SHANK2: variants seen among roughly 807,000 people sequenced by gnomAD.
SHANK2 encodes SH3 and multiple ankyrin repeat domains 2.
A neutral mutation model predicts 133.7 loss-of-function variants in SHANK2; 43 were observed. The observed-to-expected ratio is 0.32, with a 90% CI of 0.25 to 0.41. The LOEUF is 0.41. Among genes scored for constraint, SHANK2 ranks in the 10% least tolerant of loss-of-function variants. The pLI is 1.00. For missense variants in SHANK2, 1,994 were observed against 2,235.8 expected (o/e 0.89, Z 2.18); for synonymous variants, 1,017 against 952.8 (o/e 1.07, Z -1.24).
chr11:70,617,081 G>A (rs1554996194), intron 17 of SHANK2, among the ~76,000 whole-genome samples: 1 of 152,028 alleles, frequency 6.6e-6, no homozygotes, highest in African/African-American at 2.4e-5. Flanking sequence ...GTGTGTATAT[G>A]TGTGTGTCTA....
chr11:70,550,623 G>A (rs552224713), intron 17 of SHANK2, among the ~76,000 whole-genome samples: 3 of 152,292 alleles, frequency 2.0e-5, no homozygotes, highest in East Asian at 1.9e-4. Context: ...TCCCGGATTC[G>A]CGTGGGTTGG....
At chr11:71,172,118 A>C (rs1271021089) in intron 2 of SHANK2, among the ~76,000 whole-genome samples, 2 of 152,130 alleles carry the variant, frequency 1.3e-5, no homozygotes, top group Non-Finnish European at 2.9e-5. Context: ...CCATGTAACC[A>C]AAAGGAGCAA....
intron 14 of SHANK2, among the ~76,000 whole-genome samples, chr11:70,796,943 A>C (rs1167150336): frequency 1.3e-5 from 2 of 152,138 alleles, no homozygotes; most frequent in East Asian, 3.9e-4. Context: ...ACAGAAAGAA[A>C]CCGTAAAAGG....
At chr11:70,675,308 C>T (rs552580933) in intron 15 of SHANK2, among the ~76,000 whole-genome samples, 5 of 152,284 alleles carry the variant, frequency 3.3e-5, no homozygotes, top group East Asian at 3.9e-4. Flanking sequence ...ACACACCAGG[C>T]GTTGTTCTAA....
intron 3 of SHANK2, among the ~76,000 whole-genome samples, chr11:71,128,777 T>C (rs1952237460): frequency 6.6e-6 from 1 of 152,198 alleles, no homozygotes; most frequent in Non-Finnish European, 1.5e-5. Flanking sequence ...CAGCCCGAGC[T>C]GCCTGAGGAC....
chr11:71,107,321 C>T (rs540308366), intron 6 of SHANK2, among the ~76,000 whole-genome samples: 25 of 152,252 alleles, frequency 1.6e-4, no homozygotes, highest in African/African-American at 5.5e-4. Flanking sequence ...ACCCTGGCCC[C>T]GTGGGTCTCT....
intron 8 of SHANK2, among the ~76,000 whole-genome samples, chr11:71,083,255 T>G (rs1054890482): frequency 1.1e-4 from 17 of 152,260 alleles, no homozygotes; most frequent in African/African-American, 3.1e-4. Flanking sequence ...TATTATTTAC[T>G]TCTAATGATG....
At chr11:71,166,641 C>G (rs1555110917) in intron 2 of SHANK2, among the ~76,000 whole-genome samples, 7 of 151,862 alleles carry the variant, frequency 4.6e-5, no homozygotes, top group Non-Finnish European at 1.0e-4. Flanking sequence ...GCCACCACAC[C>G]CGGCTAATTT....
intron 1 of SHANK2, among the ~76,000 whole-genome samples, chr11:71,250,805 T>G (rs1485244739): frequency 1.3e-5 from 2 of 152,082 alleles, no homozygotes; most frequent in African/African-American, 2.4e-5. Flanking sequence ...AGAACTTCCC[T>G]TGTGGCTGGG....
intron 14 of SHANK2, among the ~76,000 whole-genome samples, chr11:70,729,373 ACTGGGGG>A (rs1555031484): frequency 6.6e-6 from 1 of 152,032 alleles, no homozygotes; most frequent in Non-Finnish European, 1.5e-5. Context: ...GGCTCCAGGG[ACTGGGGG>A]CTGGGGGAAA....
chr11:70,709,738 C>A (rs562347514), intron 14 of SHANK2, among the ~76,000 whole-genome samples: 8 of 152,018 alleles, frequency 5.3e-5, no homozygotes, highest in Non-Finnish European at 1.2e-4. Context: ...GGCAAAGGTA[C>A]GCAAGTATCA....
At chr11:71,093,940 G>A (rs1416643887) in intron 7 of SHANK2, among the ~76,000 whole-genome samples, 1 of 152,188 alleles carries the variant, frequency 6.6e-6, no homozygotes, top group African/African-American at 2.4e-5. Context: ...CCTGTCCAGA[G>A]GCGCCGTGGC....
At chr11:70,876,724 T>C (rs1411801406) in intron 11 of SHANK2, among the ~76,000 whole-genome samples, 1 of 152,168 alleles carries the variant, frequency 6.6e-6, no homozygotes, top group Non-Finnish European at 1.5e-5. Flanking sequence ...ACAACACTTC[T>C]AGGGTCTGTG....
In SHANK2 at chr11:70,656,192, C is replaced by T. The variant is rs570990628; in HGVS notation, c.2061+3636G>A. 2.2e-4 allele frequency among the ~76,000 whole-genome samples: 33 copies of T among 152,320 alleles called. No homozygotes were observed. The South Asian group carries it at 6.6e-3, about 31-fold the overall frequency. ...AATAAGGGCCATCTCAAAGAGACAG[C>T]AGACAAAGTCTTCAGCAAACTCTTA... On this transcript the variant is annotated intron_variant, in intron 17 of 25. Transcript: ENST00000601538.
chr11:70,748,815 G>T (rs146444562), intron 14 of SHANK2, among the ~76,000 whole-genome samples: 20 of 152,304 alleles, frequency 1.3e-4, no homozygotes, highest in African/African-American at 4.6e-4. Flanking sequence ...TGCCGAATAA[G>T]CTGGCGACCC....
rs1158122702 is a variant in SHANK2 at position 71,113,396 on chromosome 11, C to G, written c.412-32G>C. On this transcript the variant is annotated intron_variant, in intron 4 of 25. Transcript: ENST00000601538. Reference sequence around the variant, plus strand: ...CAGAAAACAAAAAAGAGAGAGAAAACAAGTCAATACTTCTCAGAGTTGTTC... The same window carrying G: ...CAGAAAACAAAAAAGAGAGAGAAAAGAAGTCAATACTTCTCAGAGTTGTTC... 6 of 1,537,894 alleles carry G rather than the reference C, an allele frequency of 3.9e-6. No individual in the cohort carries two copies. The Middle Eastern group carries it at 5.0e-4, about 129-fold the overall frequency.
chr11:71,217,887 G>A (rs1361966730), intron 2 of SHANK2, among the ~76,000 whole-genome samples: 4 of 152,190 alleles, frequency 2.6e-5, no homozygotes, highest in Non-Finnish European at 5.9e-5. Context: ...GTCTCGCTCT[G>A]TCGCCCAGGC....
intron 15 of SHANK2, among the ~76,000 whole-genome samples, chr11:70,689,483 C>T (rs782664999): frequency 6.6e-6 from 1 of 152,122 alleles, no homozygotes; most frequent in Non-Finnish European, 1.5e-5. Context: ...ACACTCACAT[C>T]CACCATCAGA....
At position 70,500,586 on chromosome 11, in the gene SHANK2, C is replaced by G. The variant is rs782696929; in HGVS notation, c.2292G>C (p.Ser764=). Residue 764 remains serine (S), a synonymous_variant, in exon 21 of 26, where the codon TCG becomes TCC. Transcript: ENST00000601538. This position sits in a 1 kb window ranked among gnomAD's most constrained non-coding sequence, Gnocchi z 4.5. ...SELEELVDKA[S]VRKKKDKPEE... Reference sequence around the variant, plus strand: ...CTCCCTTACCCTTCTTCTTCCGGACCGAGGCTTGCAAACAGAAAGGGGACC... The same window carrying G: ...CTCCCTTACCCTTCTTCTTCCGGACGGAGGCTTGCAAACAGAAAGGGGACC... 6.2e-7 allele frequency: 1 copy of G among 1,602,818 alleles called. No homozygotes were observed.
Sources: allele counts gnomAD v4.1 joint callset (sites outside exome capture counted in the v4.1 genomes callset), GRCh38; gene constraint gnomAD v4.1.1; non-coding constraint Gnocchi (gnomAD v3.1); transcripts MANE v1.5; gene names NCBI Gene and HGNC (gene_info 2026-07-23, HGNC 2026-07-21).